The following MMD2 variants were observed in gnomAD, a reference collection of about 807,000 sequenced individuals.
MMD2 encodes monocyte to macrophage differentiation associated 2.
A neutral mutation model predicts 33.5 loss-of-function variants in MMD2; 30 were observed. That is an observed-to-expected ratio of 0.90 (90% CI 0.67 to 1.22). MMD2 has a LOEUF of 1.22. MMD2 is among the 50% of genes most tolerant of loss of function. The pLI is 0.00. For synonymous variants in MMD2, 129 were observed against 123.0 expected (o/e 1.05, Z -0.32); for missense variants, 364 against 325.4 (o/e 1.12, Z -0.91).
intron 2 of MMD2, among the ~76,000 whole-genome samples, chr7:4,924,126 A>T (rs985032184): frequency 1.3e-5 from 2 of 152,224 alleles, no homozygotes; most frequent in Non-Finnish European, 2.9e-5. Flanking sequence ...CAGGAGGCAG[A>T]GCTTGCAGTG....
At chr7:4,894,160 T>C in the MMD2 span, among the ~76,000 whole-genome samples, 1 of 152,138 alleles carries the variant, frequency 6.6e-6, no homozygotes. The surrounding 1 kb of genome is among the most constrained non-coding windows in gnomAD (Gnocchi z 4.3). Flanking sequence ...GGAATGATGA[T>C]GCACGACCTC....
Position 4,950,136 on chromosome 7 carries a change from G to A in MMD2, c.47+8835C>T, listed in dbSNP as rs902306767. On this transcript the variant is annotated intron_variant, in intron 1 of 6. Transcript: ENST00000401401. ...TGTGTGAGAGATGGAGTCTCACTCT[G>A]TTGCCCAGGCTGGAGTGCGATGGGC... is the stretch of plus-strand genomic sequence containing the variant. 3.3e-5 allele frequency among the ~76,000 whole-genome samples: 5 copies of A among 151,820 alleles called. 1 individual carries two copies. In the South Asian group the frequency reaches 1.0e-3, roughly 32 times the overall value.
chr7:4,953,377 A>G (rs531594991), intron 1 of MMD2, among the ~76,000 whole-genome samples: 1 of 150,276 alleles, frequency 6.7e-6, no homozygotes, highest in South Asian at 2.1e-4. Context: ...AGGGCTACAC[A>G]TGACCTGTAT....
downstream of MMD2, among the ~76,000 whole-genome samples, chr7:4,904,454 T>G (rs1366942858): frequency 6.6e-6 from 1 of 152,178 alleles, no homozygotes; most frequent in Non-Finnish European, 1.5e-5. Flanking sequence ...AAGCATGCCC[T>G]GAATTGGAGT....
intron 2 of MMD2, among the ~76,000 whole-genome samples, chr7:4,924,216 A>G (rs1353574696): frequency 2.0e-5 from 3 of 151,978 alleles, no homozygotes; most frequent in African/African-American, 7.2e-5. Context: ...CAAAACAATA[A>G]CAACAACAAC....
At chr7:4,899,432 A>G in the MMD2 span, among the ~76,000 whole-genome samples, 3 of 150,884 alleles carry the variant, frequency 2.0e-5, no homozygotes, top group African/African-American at 7.3e-5. Flanking sequence ...TTTGTCGCCC[A>G]GGCTGGAGTG....
intron 1 of MMD2, among the ~76,000 whole-genome samples, chr7:4,943,284 C>T (rs532967539): frequency 6.6e-6 from 1 of 152,006 alleles, no homozygotes; most frequent in South Asian, 2.1e-4. Context: ...ACTGGGATTA[C>T]AGGCATGAGC....
rs370661719 is a variant in MMD2 at position 4,907,442 on chromosome 7, C to T, written c.695G>A (p.Arg232Lys). ...GAGTHYYAIW[R>K]YLYLPSTLQT... ...CAGGGTGCTGGGCAGATAGAGGTAC[C>T]TCCAGATGGCATAGTAGTGGGTACC... The change falls in exon 7 of 7, where the codon AGG becomes AAG. Residue 232 changes from arginine to lysine, a missense_variant. Coordinates refer to ENST00000401401, the MANE Select transcript of MMD2 (RefSeq NM_198403.4). The T allele has an allele frequency of 6.1e-5, 99 of 1,613,954 alleles. No homozygotes were observed. The highest frequency in any genetic ancestry group is 1.7e-4 in the Middle Eastern group (1 of 6,002).
intron 1 of MMD2, among the ~76,000 whole-genome samples, chr7:4,934,449 T>C (rs923512855): frequency 6.6e-6 from 1 of 152,182 alleles, no homozygotes; most frequent in African/African-American, 2.4e-5. Flanking sequence ...ATTGAGACTG[T>C]GTTAGAACAG....
chr7:4,927,307 G>T (rs13306993), intron 1 of MMD2, among the ~76,000 whole-genome samples: 1 of 151,766 alleles, frequency 6.6e-6, no homozygotes, highest in Non-Finnish European at 1.5e-5. Context: ...CACTTTAAGA[G>T]GCCGAGGCAG....
At chr7:4,901,790 G>C (rs1056778582), downstream of MMD2, among the ~76,000 whole-genome samples, 3 of 152,220 alleles carry the variant, frequency 2.0e-5, no homozygotes, top group African/African-American at 4.8e-5. Flanking sequence ...TGGCGGAGCC[G>C]GGGGAGCCTG....
At chr7:4,918,483 CTTTTTTTTTTT>C (rs60393757) in intron 3 of MMD2, among the ~76,000 whole-genome samples, 3 of 131,030 alleles carry the variant, frequency 2.3e-5, no homozygotes, top group Non-Finnish European at 4.8e-5. Context: ...TTCTTTCTTT[CTTTTTTTTTTT>C]TTTTTTTGAG....
chr7:4,917,592 T>A (rs573795312), intron 3 of MMD2, among the ~76,000 whole-genome samples: 2 of 151,718 alleles, frequency 1.3e-5, no homozygotes, highest in South Asian at 4.2e-4. Context: ...CTTGGGAGGA[T>A]GAAGCAGGAG....
intron 2 of MMD2, among the ~76,000 whole-genome samples, chr7:4,924,283 C>T (rs1472487549): frequency 1.3e-5 from 2 of 152,266 alleles, no homozygotes; most frequent in Non-Finnish European, 2.9e-5. Flanking sequence ...GCACCAGCCA[C>T]TCCTTTCTAT....
intron 3 of MMD2, 138 bp from the exon 4 acceptor site, chr7:4,916,217 T>C: frequency 2.9e-6 from 2 of 692,582 alleles, no homozygotes; most frequent in South Asian, 1.9e-5. Flanking sequence ...CAAGACCCCT[T>C]GGCCCTCAGA....
chr7:4,909,198 G>A (rs939154338), intron 6 of MMD2, among the ~76,000 whole-genome samples: 2 of 151,958 alleles, frequency 1.3e-5, no homozygotes, highest in Non-Finnish European at 2.9e-5. Flanking sequence ...CTTAGTGAAA[G>A]AAACTCTCCG....
chr7:4,930,388 C>T lies in MMD2; in HGVS notation c.48-4856G>A, dbSNP rs1479544965. On this transcript the variant is annotated intron_variant, in intron 1 of 6. Coordinates refer to ENST00000401401, the MANE Select transcript of MMD2 (RefSeq NM_198403.4). ...GGCATGGTGGCTCACACCTGTAATC[C>T]CAGCACTTTGGGAAGCGGAGGTGGG... Among the ~76,000 whole-genome samples, 3 of 151,850 alleles carry T rather than the reference C, an allele frequency of 2.0e-5. No homozygotes were observed. In the East Asian group the frequency reaches 5.8e-4, roughly 29 times the overall value.
chr7:4,920,140 C>A (rs769910002), intron 3 of MMD2, 31 bp downstream of exon 3: 2 of 1,548,270 alleles, frequency 1.3e-6, no homozygotes, highest in African/African-American at 2.7e-5. Context: ...GACCCCCTAC[C>A]CGGCATGGGT....
At chr7:4,918,460 T>C (rs948254220) in intron 3 of MMD2, among the ~76,000 whole-genome samples, 7 of 149,724 alleles carry the variant, frequency 4.7e-5, no homozygotes, top group Non-Finnish European at 1.0e-4. Context: ...ATAAGGTTTC[T>C]TTTCTTTTTC....
Sources: gnomAD v4.1 joint callset for allele counts (sites outside exome capture counted in the v4.1 genomes callset) on GRCh38, gnomAD v4.1.1 for gene constraint, Gnocchi (gnomAD v3.1) non-coding constraint, MANE v1.5 for transcripts, NCBI Gene and HGNC (gene_info 2026-07-23, HGNC 2026-07-21) for gene names.